Variants in VPS35L observed in about 807,000 individuals in gnomAD.
VPS35L encodes the protein VPS35 endosomal protein sorting factor like.
Under a neutral mutation model 133.0 loss-of-function variants are expected in VPS35L, and 83 were observed. The observed-to-expected ratio is 0.62, with a 90% confidence interval of 0.52 to 0.75. VPS35L has a LOEUF of 0.75. Ranked by LOEUF, VPS35L falls within the 30% of genes least tolerant of loss-of-function variation. The pLI, the probability that VPS35L is intolerant of heterozygous loss-of-function variation, is 0.00. For synonymous variants in VPS35L, 423 were observed against 449.9 expected, an observed-to-expected ratio of 0.94 and a Z score of 0.76; for missense variants, 1,083 against 1,206.8, an observed-to-expected ratio of 0.90 and a Z score of 1.52.
intron 2 of VPS35L, among the ~76,000 whole-genome samples, chr16:19,567,841 G>A (rs1327527305): frequency 6.6e-6 from 1 of 152,006 alleles, no homozygotes; most frequent in South Asian, 2.1e-4. Flanking sequence ...GTGTGATGGT[G>A]TGCTTGTAGT....
intron 24 of VPS35L, among the ~76,000 whole-genome samples, chr16:19,648,939 C>T (rs1974040229): frequency 6.7e-6 from 1 of 149,652 alleles, no homozygotes; most frequent in Non-Finnish European, 1.5e-5. Flanking sequence ...AACAACTTGA[C>T]AGCCATTTGA....
intron 5 of VPS35L, 44 bp from the exon 6 acceptor site, chr16:19,579,007 TG>T (rs751543677): frequency 1.3e-6 from 2 of 1,545,576 alleles, no homozygotes. Flanking sequence ...GGGGTATTGG[TG>T]CACGAGAAAA....
chr16:19,576,887 A>G (rs556397230), intron 5 of VPS35L, among the ~76,000 whole-genome samples: 46 of 151,966 alleles, frequency 3.0e-4, no homozygotes, highest in Non-Finnish European at 6.2e-4. Flanking sequence ...TTGTATTTTT[A>G]ATAGAGACAG....
At chr16:19,646,514 A>G (rs1360427223) in intron 23 of VPS35L, among the ~76,000 whole-genome samples, 1 of 151,894 alleles carries the variant, frequency 6.6e-6, no homozygotes, top group African/African-American at 2.4e-5. Context: ...AAAAATACAA[A>G]ATTAGCCGGG....
chr16:19,630,326 G>GTTTTTTTTT (rs201807727), intron 18 of VPS35L, among the ~76,000 whole-genome samples: 12 of 106,514 alleles, frequency 1.1e-4, no homozygotes, highest in African/African-American at 1.5e-4. Context: ...AGTCCTAAAA[G>GTTTTTTTTT]TTTTTTTTTT....
intron 9 of VPS35L, among the ~76,000 whole-genome samples, chr16:19,602,014 T>TTA (rs1972400252): frequency 6.6e-6 from 1 of 152,112 alleles, no homozygotes; most frequent in Non-Finnish European, 1.5e-5. Context: ...TTGACTTTAA[T>TTA]ATTTTTCCTA....
intron 14 of VPS35L, among the ~76,000 whole-genome samples, chr16:19,621,328 GA>G (rs1411361148): frequency 2.0e-5 from 3 of 152,364 alleles, no homozygotes; most frequent in Middle Eastern, 3.4e-3. Flanking sequence ...TGGAAGTTGG[GA>G]GGGGGGGACA....
intron 3 of VPS35L, among the ~76,000 whole-genome samples, chr16:19,571,663 G>C (rs890958993): frequency 2.6e-5 from 4 of 151,964 alleles, no homozygotes; most frequent in African/African-American, 9.7e-5. Context: ...TCCTGCCTCA[G>C]CCTACCTAGT....
At chr16:19,575,874 G>A (rs547393098) in intron 5 of VPS35L, among the ~76,000 whole-genome samples, 3 of 139,418 alleles carry the variant, frequency 2.2e-5, no homozygotes, top group Admixed American at 1.5e-4. Flanking sequence ...ATATATATAT[G>A]GCCTGGTGCG....
chr16:19,591,869 C>A lies in VPS35L; in HGVS notation c.719C>A (p.Thr240Lys). Reference protein sequence around the residue: ...KFVLITDILDTFGKLVYERIF... With the variant: ...KFVLITDILDKFGKLVYERIF... ...GTCCTTATCACCGACATACTTGATA[C>A]ATTTGGTAAGTACCTGTCATATGCA... Residue 240 changes from threonine (T) to lysine (K), a missense_variant, in exon 8 of 31, where the codon ACA becomes AAA. Thr to Lys is a moderately conservative substitution (Grantham distance 78, BLOSUM62 -1). Transcript: ENST00000417362. The A allele has an allele frequency of 6.3e-7, 1 of 1,599,142 alleles. No individual in the cohort carries two copies. Among genetic ancestry groups the A allele is most frequent in the South Asian group, 1.1e-5 (1 of 90,762 alleles).
chr16:19,580,588 G>A lies in VPS35L; in HGVS notation c.511-937G>A, dbSNP rs115487778. ...GAGCATTTACTGTGCGTCAGGGACC[G>A]TGCCAAGTCATTACCTACATGGTCA... On this transcript the variant is annotated intron_variant, in intron 6 of 30. Transcript: ENST00000417362. Among the ~76,000 whole-genome samples the A allele has an allele frequency of 1.5e-3, 223 of 152,156 alleles. 2 individuals carry two copies. The highest frequency in any genetic ancestry group is 4.8e-3 in the African/African-American group (198 of 41,506).
intron 18 of VPS35L, among the ~76,000 whole-genome samples, chr16:19,631,203 T>C (rs1247657001): frequency 6.6e-6 from 1 of 152,104 alleles, no homozygotes; most frequent in Non-Finnish European, 1.5e-5. Flanking sequence ...TGGTTTATGG[T>C]ATTTTGGTAG....
At chr16:19,581,845 C>G (rs1187986163) in intron 7 of VPS35L, 192 bp downstream of exon 7, 13 of 681,254 alleles carry the variant, frequency 1.9e-5, no homozygotes, top group African/African-American at 3.6e-5. Flanking sequence ...CCCAGGGTTA[C>G]CATGTGCAGC....
chr16:19,664,706 C>T (rs1453438735), intron 26 of VPS35L, among the ~76,000 whole-genome samples: 5 of 152,062 alleles, frequency 3.3e-5, no homozygotes, highest in Admixed American at 3.3e-4. Context: ...TTAAGACCAG[C>T]TTGCCCAACA....
intron 16 of VPS35L, 46 bp from the exon 17 acceptor site, chr16:19,628,591 T>C (rs777291123): frequency 1.9e-6 from 2 of 1,074,742 alleles, no homozygotes; most frequent in South Asian, 1.5e-5. Context: ...TTCAAGTTAA[T>C]TTGATTTAAA....
chr16:19,628,042 A>G (rs1301658567), intron 16 of VPS35L, among the ~76,000 whole-genome samples: 1 of 152,150 alleles, frequency 6.6e-6, no homozygotes, highest in East Asian at 1.9e-4. Context: ...ACTATGAAGG[A>G]TTTAAGAAAG....
chr16:19,665,380 TG>T (rs1238702065), intron 26 of VPS35L, among the ~76,000 whole-genome samples: 1 of 152,210 alleles, frequency 6.6e-6, no homozygotes, highest in Non-Finnish European at 1.5e-5. Flanking sequence ...TCTGTCTCCA[TG>T]GGTTCAATTG....
intron 25 of VPS35L, among the ~76,000 whole-genome samples, chr16:19,650,901 C>T (rs59257506): frequency 0.051 from 7,718 of 151,952 alleles, 640 homozygotes; most frequent in African/African-American, 0.17. Context: ...TTTCTTGAGA[C>T]GGAGTCTTGC....
chr16:19,667,840 T>TC (rs1331698363), intron 26 of VPS35L, among the ~76,000 whole-genome samples: 1 of 152,210 alleles, frequency 6.6e-6, no homozygotes, highest in Admixed American at 6.6e-5. Context: ...CACTTTTTTT[T>TC]CATCTGTTTG....
Sources: allele counts gnomAD v4.1 joint callset (sites outside exome capture counted in the v4.1 genomes callset), GRCh38; gene constraint gnomAD v4.1.1; transcripts MANE v1.5; gene names NCBI Gene and HGNC (gene_info 2026-07-23, HGNC 2026-07-21).